UPF2: variants seen among roughly 807,000 people sequenced by gnomAD.
UPF2 encodes UPF2 regulator of nonsense mediated mRNA decay.
Under a neutral mutation model 141.4 loss-of-function variants are expected in UPF2, and 17 were observed. The ratio of observed to expected loss-of-function variants is 0.12; its 90% CI spans 0.08 to 0.18. UPF2 has a LOEUF of 0.18. Ranked by LOEUF, UPF2 falls within the 10% of genes least tolerant of loss-of-function variation. UPF2 has a pLI of 1.00. For missense variants in UPF2, 1,152 were observed against 1,515.9 expected, an observed-to-expected ratio of 0.76 and a Z score of 3.99; for synonymous variants, 540 against 498.0, an observed-to-expected ratio of 1.08 and a Z score of -1.12.
In UPF2 at chr10:11,956,542, G is replaced by A. The variant is rs1833154388; in HGVS notation, c.2371-19C>T. 6.2e-7 allele frequency: 1 copy of A among 1,610,106 alleles called. No individual in the cohort carries two copies. Among genetic ancestry groups the A allele is most frequent in the Admixed American group, 1.7e-5 (1 of 59,808 alleles). The stretch of plus-strand genomic sequence containing the variant: ...TCAAAACCTAAAAAAAGAGAATTTT[G>A]TTCAAATTATTAAGATAAGTACACA... On this transcript the variant is annotated intron_variant, in intron 12 of 21. Coordinates refer to ENST00000357604, the MANE Select transcript of UPF2 (RefSeq NM_015542.4). This position sits in a 1 kb window ranked among gnomAD's most constrained non-coding sequence, Gnocchi z 4.2.
intron 14 of UPF2, among the ~76,000 whole-genome samples, chr10:11,952,792 T>C (rs969238098): frequency 6.6e-6 from 1 of 152,086 alleles, no homozygotes; most frequent in Admixed American, 6.5e-5. Context: ...CTTTTTATTA[T>C]AACTGTCACA....
intron 2 of UPF2, among the ~76,000 whole-genome samples, chr10:12,030,441 G>A (rs558464081): frequency 5.4e-4 from 82 of 152,122 alleles, no homozygotes; most frequent in Non-Finnish European, 9.1e-4. Flanking sequence ...GGCTGAGGCA[G>A]GAGAATTGCT....
chr10:12,000,621 TATAAA>T (rs958548967), intron 6 of UPF2, among the ~76,000 whole-genome samples: 10 of 151,838 alleles, frequency 6.6e-5, no homozygotes, highest in Non-Finnish European at 1.5e-4. Context: ...CTCTAAAAAA[TATAAA>T]ATAAAATAAA....
At chr10:11,942,098 G>A (rs770546809) in intron 18 of UPF2, among the ~76,000 whole-genome samples, 7 of 152,206 alleles carry the variant, frequency 4.6e-5, no homozygotes, top group Admixed American at 4.6e-4. Flanking sequence ...TAATAGGCCA[G>A]GCATGGTGGC....
chr10:11,965,129 A>G (rs1833298600), intron 10 of UPF2, among the ~76,000 whole-genome samples: 1 of 152,202 alleles, frequency 6.6e-6, no homozygotes, highest in Non-Finnish European at 1.5e-5. Context: ...TGTATTATAA[A>G]AATGGTGGGA....
Position 11,920,898 on chromosome 10 carries a change from A to C in UPF2, c.*400T>G. The C allele has an allele frequency of 2.4e-6, 1 of 423,766 alleles. No individual in the cohort carries two copies. The highest frequency in any genetic ancestry group is 4.8e-6 in the Non-Finnish European group (1 of 206,774). The allele number at this position is 423,766 out of a possible 1,614,324, so 26.3% of individuals were successfully genotyped here. On this transcript the variant is annotated 3_prime_UTR_variant, in exon 22 of 22. Coordinates refer to ENST00000357604, the MANE Select transcript of UPF2 (RefSeq NM_015542.4). Reference sequence around the variant, plus strand: ...GTTCAATTCAGAGACACTGAAACTCAAATCAAGTTTAAAGCTCAAGTTCAT... The same window carrying C: ...GTTCAATTCAGAGACACTGAAACTCCAATCAAGTTTAAAGCTCAAGTTCAT...
chr10:12,037,029 A>C (rs1416479735), intron 1 of UPF2, among the ~76,000 whole-genome samples: 1 of 136,728 alleles, frequency 7.3e-6, no homozygotes, highest in Non-Finnish European at 1.7e-5. Flanking sequence ...CCGCCTCAAG[A>C]AAAAAAAGAA....
At chr10:11,938,853 G>GGTTTTTTTTTTTT (rs1832889411) in intron 18 of UPF2, among the ~76,000 whole-genome samples, 1 of 79,816 alleles carries the variant, frequency 1.3e-5, no homozygotes, top group African/African-American at 5.0e-5. Context: ...TTTTTTTTTT[G>GGTTTTTTTTTTTT]TTTTTTTTTT....
chr10:11,995,100 A>C (rs1389550152), intron 8 of UPF2, among the ~76,000 whole-genome samples: 4 of 145,472 alleles, frequency 2.7e-5, no homozygotes, highest in Non-Finnish European at 4.6e-5. Flanking sequence ...GAAGTGCTAT[A>C]AAGAATACCT....
chr10:11,982,723 C>A (rs892573611), intron 8 of UPF2, among the ~76,000 whole-genome samples: 2 of 152,056 alleles, frequency 1.3e-5, no homozygotes, highest in Non-Finnish European at 2.9e-5. Context: ...GCCTCCCAAG[C>A]GATTCTCCTG....
intron 10 of UPF2, among the ~76,000 whole-genome samples, chr10:11,966,433 C>CT (rs35948223): frequency 5.9e-5 from 9 of 151,568 alleles, no homozygotes; most frequent in Admixed American, 2.6e-4. Flanking sequence ...TTCTTTTTTT[C>CT]TTTTTTTTGA....
chr10:12,024,570 A>G (rs900303686), intron 3 of UPF2, among the ~76,000 whole-genome samples: 2 of 152,048 alleles, frequency 1.3e-5, no homozygotes, highest in Non-Finnish European at 2.9e-5. Context: ...AGATCACGCC[A>G]CTGTACTCCA....
chr10:11,920,084 GGCA>G lies in UPF2; in HGVS notation c.*1211_*1213del, dbSNP rs1179107416. 1 of 152,108 alleles carries G rather than the reference GGCA, an allele frequency of 6.6e-6. No individual in the cohort carries two copies. The highest frequency in any genetic ancestry group is 2.4e-5 in the African/African-American group (1 of 41,418). 9.4% of individuals were successfully genotyped at this position (152,108 alleles called of 1,614,324 possible). On this transcript the variant is annotated 3_prime_UTR_variant, in exon 22 of 22. Coordinates refer to ENST00000357604, the MANE Select transcript of UPF2 (RefSeq NM_015542.4). ...AGATTTCTGAAGCTGGTGAAGATTG[GGCA>G]GCATTTCCATGTGAAATGTTACAAC...
Position 11,929,919 on chromosome 10 carries a change from T to A in UPF2, c.3755A>T (p.Tyr1252Phe). 6.2e-7 allele frequency: 1 copy of A among 1,614,242 alleles called. No homozygotes were observed. Among genetic ancestry groups the A allele is most frequent in the South Asian group, 1.1e-5 (1 of 91,080 alleles). Residue 1252 changes from tyrosine to phenylalanine, a missense_variant, in exon 21 of 22, where the codon TAC becomes TTC. By Grantham distance (22) the Tyr-to-Phe change is conservative. This residue lies in a region of UPF2 where 66 missense variants were observed against 123.5 expected (regional missense o/e 0.53). Transcript: ENST00000357604. ...ANTNRERRPR[Y>F]QHPKGAPNAD... is the part of the protein sequence containing the mutation. Reference sequence around the variant, plus strand: ...ATTAGGTGCTCCCTTCGGATGTTGGTAGCGAGGCCGCCTCTCACGATTGGT... The same window carrying A: ...ATTAGGTGCTCCCTTCGGATGTTGGAAGCGAGGCCGCCTCTCACGATTGGT...
chr10:11,964,854 A>G (rs1308222365), intron 10 of UPF2, among the ~76,000 whole-genome samples: 1 of 152,238 alleles, frequency 6.6e-6, no homozygotes, highest in Non-Finnish European at 1.5e-5. Flanking sequence ...TGTGGAATAC[A>G]GTATTTGCAC....
At position 11,959,043 on chromosome 10, in the gene UPF2, G is replaced by A; in HGVS notation, c.2370+128C>T. On this transcript the variant is annotated intron_variant, in intron 12 of 21. Transcript: ENST00000357604. This position sits in a 1 kb window ranked among gnomAD's most constrained non-coding sequence, Gnocchi z 5.9. The stretch of plus-strand genomic sequence containing the variant: ...TATCATCATAAGAATTCCTTCTTAG[G>A]GTGACTTACACAGAGCTGATTATAA... 2.7e-6 allele frequency: 2 copies of A among 734,494 alleles called. No individual in the cohort carries two copies. Among genetic ancestry groups the A allele is most frequent in the South Asian group, 1.1e-4 (2 of 17,744 alleles). The allele number at this position is 734,494 out of a possible 1,614,324, so 45.5% of individuals were successfully genotyped here. A position where few individuals can be genotyped will look rare whatever the true frequency, so the allele number is the denominator to read the frequency against.
rs1057061398 is a variant in UPF2, at chr10:11,931,922, G to A, written c.3547-140C>T. The A allele has an allele frequency of 8.3e-6, 7 of 847,000 alleles. No individual in the cohort carries two copies. Among genetic ancestry groups the A allele is most frequent in the Admixed American group, 3.2e-5 (1 of 30,928 alleles). The allele number at this position is 847,000 out of a possible 1,614,324, so 52.5% of individuals were successfully genotyped here. A position where few individuals can be genotyped will look rare whatever the true frequency, so the allele number is the denominator to read the frequency against. On this transcript the variant is annotated intron_variant, in intron 19 of 21. Transcript: ENST00000357604. This position sits in a 1 kb window ranked among gnomAD's most constrained non-coding sequence, Gnocchi z 5.9. ...TCCCAGCACTTTGGGAGGCCGAGGC[G>A]GGCGGATCACGAGGTCAAGAGATCA...
At chr10:12,040,575 T>C (rs1834719232) in intron 1 of UPF2, among the ~76,000 whole-genome samples, 1 of 152,058 alleles carries the variant, frequency 6.6e-6, no homozygotes, top group Non-Finnish European at 1.5e-5. Flanking sequence ...GCCCAAAGTA[T>C]ACTTGCGACT....
intron 18 of UPF2, among the ~76,000 whole-genome samples, chr10:11,941,577 C>T (rs1280438923): frequency 1.3e-5 from 2 of 152,016 alleles, no homozygotes; most frequent in Non-Finnish European, 2.9e-5. Flanking sequence ...AAAAAAAAAC[C>T]CTGTCTTTTA....
Sources: gnomAD v4.1 joint callset for allele counts (sites outside exome capture counted in the v4.1 genomes callset) on GRCh38, gnomAD v4.1.1 for gene constraint, gnomAD v4.1.1 regional missense constraint, Gnocchi (gnomAD v3.1) non-coding constraint, MANE v1.5 for transcripts, NCBI Gene and HGNC (gene_info 2026-07-23, HGNC 2026-07-21) for gene names.